The following ADRM1 variants were observed in gnomAD, a reference collection of about 807,000 sequenced individuals.
ADRM1 encodes proteasomal ubiquitin receptor ADRM1.
A neutral mutation model predicts 40.1 loss-of-function variants in ADRM1; 2 were observed. That is an observed-to-expected ratio of 0.05 (90% CI 0.02 to 0.16). The LOEUF (loss-of-function observed/expected upper bound fraction) is 0.16, where lower values mean the gene tolerates loss of function less well. ADRM1 is among the 10% of genes least tolerant of loss of function. The probability of loss-of-function intolerance (pLI) is 1.00; values close to 1 mark genes in which losing one functional copy is unlikely to be tolerated. For synonymous variants in ADRM1, 287 were observed against 240.4 expected (o/e 1.19, Z -1.79); for missense variants, 467 against 552.5 (o/e 0.85, Z 1.55).
Position 62,308,722 on chromosome 20 carries a change from G to C in ADRM1, c.1185G>C (p.Lys395Asn). 5.6e-6 allele frequency: 9 copies of C among 1,612,566 alleles called. No homozygotes were observed. The highest frequency in any genetic ancestry group is 7.6e-6 in the Non-Finnish European group (9 of 1,179,714). ...AKPEQKEGDT[K>N]DKKDEEEDMS... Reference sequence around the variant, plus strand: ...CCGAGCAGAAAGAGGGCGACACGAAGGACAAGAAGGACGAAGAGGAGGACA... The same window carrying C: ...CCGAGCAGAAAGAGGGCGACACGAACGACAAGAAGGACGAAGAGGAGGACA... The change falls in exon 10 of 10, where the codon AAG becomes AAC. Residue 395 changes from lysine to asparagine, a missense_variant. Transcript: ENST00000253003.
rs767099910 is a variant in ADRM1, at chr20:62,308,801, C to T, written c.*40C>T. Reference sequence around the variant, plus strand: ...TCCGAGGAACTGGGCGCTTGCAGTGCGTTGCACACCCTCACCTCCCACCCA... The same window carrying T: ...TCCGAGGAACTGGGCGCTTGCAGTGTGTTGCACACCCTCACCTCCCACCCA... On this transcript the variant is annotated 3_prime_UTR_variant, in exon 10 of 10. Coordinates refer to ENST00000253003, the MANE Select transcript of ADRM1 (RefSeq NM_007002.4). The T allele has an allele frequency of 4.1e-5, 66 of 1,605,660 alleles. 1 individual carries two copies. The Admixed American group carries it at 9.7e-4, about 24-fold the overall frequency.
intron 4 of ADRM1, 152 bp downstream of exon 4, chr20:62,306,472 C>G (rs753388331): frequency 2.2e-6 from 3 of 1,350,650 alleles, no homozygotes; most frequent in Non-Finnish European, 3.1e-6. Context: ...TCACTCCCCA[C>G]TCCCACCTTC....
rs766224109 is a variant in ADRM1, at chr20:62,306,718, C to T, written c.525C>T (p.Ala175=). The change falls in exon 5 of 10, where the codon GCC becomes GCT. Residue 175 remains alanine (A), a synonymous_variant. Transcript: ENST00000253003. ...AGCTCATGCAGCTCATCGGACCAGCCGGCCTTGGAGGACTGGGTAACGTGC... is the reference window on the plus strand; with the variant it reads ...AGCTCATGCAGCTCATCGGACCAGCTGGCCTTGGAGGACTGGGTAACGTGC... ...HSQLMQLIGP[A]GLGGLGGLGA... 33 of 1,608,620 alleles carry T rather than the reference C, an allele frequency of 2.1e-5. No homozygotes were observed. In the East Asian group the frequency reaches 2.5e-4, roughly 12 times the overall value.
At chr20:62,303,159 G>C (rs1984351002) in intron 1 of ADRM1, 110 bp downstream of exon 1, 1 of 154,080 alleles carries the variant, frequency 6.5e-6, no homozygotes, top group African/African-American at 2.4e-5. Context: ...TGGCCGGCGC[G>C]GCGGGTGGGG....
intron 7 of ADRM1, 73 bp downstream of exon 7, chr20:62,307,901 G>T: frequency 6.4e-7 from 1 of 1,552,594 alleles, no homozygotes; most frequent in Admixed American, 1.9e-5. Flanking sequence ...CACCTTCCAA[G>T]GCATCTGCCT....
At position 62,304,797 on chromosome 20, in the gene ADRM1, T is replaced by G. The variant is rs555193922; in HGVS notation, c.330+220T>G. Among the ~76,000 whole-genome samples the G allele has an allele frequency of 2.8e-4, 43 of 152,352 alleles. 1 individual carries two copies. In the South Asian group the frequency reaches 8.7e-3, roughly 31 times the overall value. On this transcript the variant is annotated intron_variant, in intron 3 of 9. Coordinates refer to ENST00000253003, the MANE Select transcript of ADRM1 (RefSeq NM_007002.4). ...CCAGGCTGGGCTGCGGGCAACCGAT[T>G]GCGGTGTGAAATTTCCAGGCAGACA...
chr20:62,308,248 G>T, intron 8 of ADRM1, 70 bp downstream of exon 8: 1 of 1,545,410 alleles, frequency 6.5e-7, no homozygotes, highest in South Asian at 1.2e-5. Flanking sequence ...AGGAGGCCCT[G>T]CCCCACCTTC....
At chr20:62,306,543 G>A (rs1984997433) in intron 4 of ADRM1, 105 bp from the exon 5 acceptor site, 2 of 1,324,306 alleles carry the variant, frequency 1.5e-6, no homozygotes, top group Non-Finnish European at 2.1e-6. Context: ...CCCCTGTAGG[G>A]TTCAGGGGCA....
intron 2 of ADRM1, 58 bp from the exon 3 acceptor site, chr20:62,304,403 A>T: frequency 6.8e-7 from 1 of 1,475,058 alleles, no homozygotes; most frequent in South Asian, 1.2e-5. Context: ...CGCTCTCCTG[A>T]GACTGGGCAC....
At chr20:62,304,219 C>T (rs770730691) in intron 2 of ADRM1, 4 of 542,848 alleles carry the variant, frequency 7.4e-6, no homozygotes, top group Non-Finnish European at 1.3e-5. Flanking sequence ...CAGCACGTCT[C>T]AGAAACCCCG....
rs1239285636 is a variant in ADRM1 at position 62,304,447 on chromosome 20, C to T, written c.214-14C>T. On this transcript the variant is annotated splice_polypyrimidine_tract_variant and intron_variant, in intron 2 of 9. Transcript: ENST00000253003. The stretch of plus-strand genomic sequence containing the variant: ...CATCTGCGCCACTGACTCTCTCTTC[C>T]CCTGGCTTGCCAGGACTTGATCATC... The T allele has an allele frequency of 1.2e-6, 2 of 1,607,872 alleles. No individual in the cohort carries two copies. Among genetic ancestry groups the T allele is most frequent in the East Asian group, 2.2e-5 (1 of 44,840 alleles).
chr20:62,306,788 C>T lies in ADRM1; in HGVS notation c.541+54C>T. ...AGCTTCTGCTGGGAATGCTTTGAGG[C>T]CCGGTCTCTGTTTCCTTTAAACTTC... On this transcript the variant is annotated intron_variant, in intron 5 of 9. Transcript: ENST00000253003. 2 of 1,472,376 alleles carry T rather than the reference C, an allele frequency of 1.4e-6. 1 individual carries two copies. 91.2% of individuals were successfully genotyped at this position (1,472,376 alleles called of 1,614,324 possible). A position where few individuals can be genotyped will look rare whatever the true frequency, so the allele number is the denominator to read the frequency against.
rs914700001 is a variant in ADRM1, at chr20:62,304,027, T to A, written c.213+246T>A. 1.1e-5 allele frequency: 6 copies of A among 555,630 alleles called. No individual in the cohort carries two copies. The African/African-American group carries it at 1.1e-4, about 11-fold the overall frequency. 34.4% of individuals were successfully genotyped at this position (555,630 alleles called of 1,614,324 possible). A position where few individuals can be genotyped will look rare whatever the true frequency, so the allele number is the denominator to read the frequency against. Reference sequence around the variant, plus strand: ...TGGCCCTGGAGAGCCCGGAGCTCTGTGCCTGGCCTTGAACTGTCCGTGTGA... The same window carrying A: ...TGGCCCTGGAGAGCCCGGAGCTCTGAGCCTGGCCTTGAACTGTCCGTGTGA... On this transcript the variant is annotated intron_variant, in intron 2 of 9. Coordinates refer to ENST00000253003, the MANE Select transcript of ADRM1 (RefSeq NM_007002.4).
Position 62,308,003 on chromosome 20 carries a change from C to T in ADRM1, c.857-18C>T, listed in dbSNP as rs770313180. ...CTTAGGCTGTCATCGAGCTGATGGC[C>T]GTGTTCTTGTGCCCCAGTGGACCTG... On this transcript the variant is annotated intron_variant, in intron 7 of 9. Transcript: ENST00000253003. 28 of 1,602,622 alleles carry T rather than the reference C, an allele frequency of 1.7e-5. No homozygotes were observed. The highest frequency in any genetic ancestry group is 1.6e-4 in the Middle Eastern group (1 of 6,066).
rs73311377 is a variant in ADRM1, at chr20:62,306,803, C to G, written c.541+69C>G. On this transcript the variant is annotated intron_variant, in intron 5 of 9. Transcript: ENST00000253003. The stretch of plus-strand genomic sequence containing the variant: ...TGCTTTGAGGCCCGGTCTCTGTTTC[C>G]TTTAAACTTCTGCTGGCTCTGTCTG... 7.0e-4 allele frequency: 969 copies of G among 1,384,282 alleles called. 8 individuals are homozygous for G. The African/African-American group carries it at 0.012, about 18-fold the overall frequency. The allele number at this position is 1,384,282 out of a possible 1,614,324, so 85.7% of individuals were successfully genotyped here.
rs1985532238 is a variant in ADRM1, at chr20:62,308,582, CTTGATCCCATCGCT to C, written c.1118-64_1118-51del. On this transcript the variant is annotated intron_variant, in intron 9 of 9. Transcript: ENST00000253003. Reference sequence around the variant, plus strand: ...GGGTAAAGGTCACAGCCCTTCTGCCCTTGATCCCATCGCTTTGATCCCCAGTTCTGGGCAAGGGT... The same window carrying C: ...GGGTAAAGGTCACAGCCCTTCTGCCCTTGATCCCCAGTTCTGGGCAAGGGT... 1.1e-5 allele frequency: 18 copies of C among 1,585,856 alleles called. No homozygotes were observed. In the Admixed American group the frequency reaches 2.7e-4, roughly 24 times the overall value.
In ADRM1 at chr20:62,307,587, T is replaced by C. The variant is rs1437946522; in HGVS notation, c.624-9T>C. 1.2e-6 allele frequency: 2 copies of C among 1,608,922 alleles called. No individual in the cohort carries two copies. The highest frequency in any genetic ancestry group is 1.7e-5 in the Admixed American group (1 of 59,912). The stretch of plus-strand genomic sequence containing the variant: ...GTGTCCGCTCCAGCGGTGCCCTCTC[T>C]CTTCGCAGCTCCCGGAGCCAGTCGG... On this transcript the variant is annotated splice_polypyrimidine_tract_variant and intron_variant, in intron 6 of 9. Coordinates refer to ENST00000253003, the MANE Select transcript of ADRM1 (RefSeq NM_007002.4).
chr20:62,308,203 T>G (rs111766545), intron 8 of ADRM1, 25 bp downstream of exon 8: 10 of 1,588,452 alleles, frequency 6.3e-6, no homozygotes, highest in Non-Finnish European at 8.5e-6. Flanking sequence ...CAGGGTGTCC[T>G]CCACTGTGTG....
At position 62,308,838 on chromosome 20, in the gene ADRM1, TAA is replaced by T. The variant is rs987873206; in HGVS notation, c.*79_*80del. On this transcript the variant is annotated 3_prime_UTR_variant, in exon 10 of 10. Transcript: ENST00000253003. ...TCACCTCCCACCCACTGATTATTAA[TAA>T]AGTCTTTTCTTTTACCTGCCAATGC... 7 of 1,549,318 alleles carry T rather than the reference TAA, an allele frequency of 4.5e-6. No homozygotes were observed. The South Asian group carries it at 4.8e-5, about 11-fold the overall frequency.
Sources: gnomAD v4.1 joint callset for allele counts (sites outside exome capture counted in the v4.1 genomes callset) on GRCh38, gnomAD v4.1.1 for gene constraint, MANE v1.5 for transcripts, NCBI Gene and HGNC (gene_info 2026-07-23, HGNC 2026-07-21) for gene names.